Variants in BRINP1 observed in about 807,000 individuals in gnomAD.
BRINP1 encodes the protein BMP/retinoic acid-inducible neural-specific protein 1.
In BRINP1, 17 loss-of-function variants were observed where a neutral mutation model predicts 72.9. That is an observed-to-expected ratio of 0.23 (90% CI 0.16 to 0.35). BRINP1 has a LOEUF of 0.35. Ranked by LOEUF, BRINP1 falls within the 10% of genes least tolerant of loss-of-function variation. BRINP1 has a pLI of 1.00. For missense variants in BRINP1, 850 were observed against 1,001.6 expected (o/e 0.85, Z 2.04); for synonymous variants, 418 against 378.5 (o/e 1.10, Z -1.21).
At chr9:119,290,708 TTTGA>T (rs1275428009) in intron 2 of BRINP1, among the ~76,000 whole-genome samples, 1 of 152,130 alleles carries the variant, frequency 6.6e-6, no homozygotes, top group African/African-American at 2.4e-5. Flanking sequence ...GGCAGCAGCA[TTTGA>T]TTGATATCTG....
At chr9:119,358,387 TAAA>T (rs5900396) in intron 1 of BRINP1, among the ~76,000 whole-genome samples, 17,384 of 133,982 alleles carry the variant, frequency 0.13, 1,217 homozygotes, top group Middle Eastern at 0.18. Context: ...TTATATGTAT[TAAA>T]AAAAAAAAAA....
At chr9:119,194,810 C>T (rs1829718545) in intron 7 of BRINP1, among the ~76,000 whole-genome samples, 1 of 152,100 alleles carries the variant, frequency 6.6e-6, no homozygotes, top group Non-Finnish European at 1.5e-5. Context: ...CTGGTCTGTC[C>T]AACACATTGA....
Position 119,299,612 on chromosome 9 carries a change from C to CAA in BRINP1, c.218+13524_218+13525dup, listed in dbSNP as rs758236349. On this transcript the variant is annotated intron_variant, in intron 2 of 7. Coordinates refer to ENST00000265922, the MANE Select transcript of BRINP1 (RefSeq NM_014618.3). ...TGGGTGACACGGCGAGACTCCGTCT[C>CAA]AAAAAAAAAAAAAAAAAAAGTGAGT... Among the ~76,000 whole-genome samples the CAA allele has an allele frequency of 6.1e-3, 351 of 57,116 alleles. 3 individuals carry two copies. Among genetic ancestry groups the CAA allele is most frequent in the African/African-American group, 0.023 (335 of 14,850 alleles). 37.5% of individuals were successfully genotyped at this position (57,116 alleles called of 152,430 possible). A position where few individuals can be genotyped will look rare whatever the true frequency, so the allele number is the denominator to read the frequency against.
intron 7 of BRINP1, among the ~76,000 whole-genome samples, chr9:119,171,816 G>C (rs1208497707): frequency 8.6e-6 from 1 of 116,918 alleles, no homozygotes; most frequent in African/African-American, 3.8e-5. Context: ...CTAGAACTCA[G>C]GATTAAGAAT....
At chr9:119,170,592 C>A (rs1829394065) in intron 7 of BRINP1, among the ~76,000 whole-genome samples, 1 of 151,416 alleles carries the variant, frequency 6.6e-6, no homozygotes, top group South Asian at 2.1e-4. Context: ...CCCAATCTAG[C>A]AAGGCAGGCC....
chr9:119,227,278 C>A (rs571117390), intron 5 of BRINP1, among the ~76,000 whole-genome samples: 95 of 152,108 alleles, frequency 6.2e-4, no homozygotes, highest in African/African-American at 2.3e-3. Flanking sequence ...ACTGGCAAAT[C>A]TTCTCTGCCC....
intron 2 of BRINP1, among the ~76,000 whole-genome samples, chr9:119,294,658 G>A (rs982997808): frequency 1.3e-5 from 2 of 152,070 alleles, no homozygotes; most frequent in African/African-American, 4.8e-5. Context: ...CTGGGGTCAG[G>A]AGTTTGAGAC....
At chr9:119,266,183 C>G (rs768186821) in intron 2 of BRINP1, among the ~76,000 whole-genome samples, 2 of 152,118 alleles carry the variant, frequency 1.3e-5, no homozygotes, top group African/African-American at 2.4e-5. Context: ...AGGAGAAATA[C>G]AACCAGAGGG....
intron 2 of BRINP1, among the ~76,000 whole-genome samples, chr9:119,295,646 A>C (rs1830867935): frequency 6.7e-6 from 1 of 148,688 alleles, no homozygotes; most frequent in East Asian, 2.0e-4. Flanking sequence ...TGCATTACAA[A>C]GCTACAGTAT....
intron 7 of BRINP1, among the ~76,000 whole-genome samples, chr9:119,201,481 T>C (rs1588162492): frequency 6.6e-6 from 1 of 152,202 alleles, no homozygotes; most frequent in Non-Finnish European, 1.5e-5. Context: ...CTTGAATGAA[T>C]TTTAATTCAG....
chr9:119,270,284 G>A (rs577137826), intron 2 of BRINP1, among the ~76,000 whole-genome samples: 7 of 152,172 alleles, frequency 4.6e-5, no homozygotes, highest in Non-Finnish European at 8.8e-5. Flanking sequence ...GAAATAAATG[G>A]AAGCCATTTG....
In BRINP1 at chr9:119,369,410, G is replaced by A. The variant is rs1022305037; in HGVS notation, c.-405C>T. On this transcript the variant is annotated 5_prime_UTR_variant, in exon 1 of 8. Coordinates refer to ENST00000265922, the MANE Select transcript of BRINP1 (RefSeq NM_014618.3). ...CGCCAGATCAGTTTGCAGCCGTGGG[G>A]TCCGGGAGCGAGGCGGCTGGCGAAT... 2 of 396,068 alleles carry A rather than the reference G, an allele frequency of 5.0e-6. No homozygotes were observed. The highest frequency in any genetic ancestry group is 1.3e-3 in the Middle Eastern group (2 of 1,584). The allele number at this position is 396,068 out of a possible 1,614,324, so 24.5% of individuals were successfully genotyped here. A position where few individuals can be genotyped will look rare whatever the true frequency, so the allele number is the denominator to read the frequency against.
At chr9:119,213,887 C>T in intron 6 of BRINP1, 32 bp downstream of exon 6, 1 of 1,589,118 alleles carries the variant, frequency 6.3e-7, no homozygotes. Flanking sequence ...CTCAAGGCCA[C>T]TCATGCAGTG....
At chr9:119,327,063 G>A (rs1023516089) in intron 1 of BRINP1, among the ~76,000 whole-genome samples, 3 of 152,188 alleles carry the variant, frequency 2.0e-5, no homozygotes, top group African/African-American at 7.2e-5. Context: ...AGTGGCAGAA[G>A]ATGAAGCAAA....
chr9:119,293,823 GC>G (rs1440344656), intron 2 of BRINP1, among the ~76,000 whole-genome samples: 4 of 152,110 alleles, frequency 2.6e-5, no homozygotes, highest in East Asian at 1.9e-4. Flanking sequence ...GAAACTAAAA[GC>G]TTTTCCTCTA....
At chr9:119,258,773 T>C (rs1357518616) in intron 2 of BRINP1, among the ~76,000 whole-genome samples, 1 of 152,166 alleles carries the variant, frequency 6.6e-6, no homozygotes, top group African/African-American at 2.4e-5. Context: ...CTTGGTCCTT[T>C]ACAAATCTCT....
chr9:119,227,724 C>G (rs559506306), intron 5 of BRINP1, among the ~76,000 whole-genome samples: 1 of 152,124 alleles, frequency 6.6e-6, no homozygotes, highest in South Asian at 2.1e-4. Context: ...TGGCAACAAT[C>G]ACTTAGTGTA....
intron 5 of BRINP1, among the ~76,000 whole-genome samples, chr9:119,229,918 CAGAG>C (rs751730015): frequency 6.6e-6 from 1 of 151,828 alleles, no homozygotes. Flanking sequence ...TGTATTGTGC[CAGAG>C]AGAGAGATGG....
intron 2 of BRINP1, among the ~76,000 whole-genome samples, chr9:119,309,354 C>T (rs1209544616): frequency 6.6e-6 from 1 of 152,120 alleles, no homozygotes; most frequent in Non-Finnish European, 1.5e-5. Flanking sequence ...GAGTTAAGGG[C>T]CCATGTTCGG....
Sources: gnomAD v4.1 joint callset for allele counts (sites outside exome capture counted in the v4.1 genomes callset) on GRCh38, gnomAD v4.1.1 for gene constraint, MANE v1.5 for transcripts, NCBI Gene and HGNC (gene_info 2026-07-23, HGNC 2026-07-21) for gene names.